The following DGCR2 variants were observed in gnomAD, a reference collection of about 807,000 sequenced individuals.
DGCR2 encodes DiGeorge syndrome critical region gene 2, also known as integral membrane protein DGCR2/IDD.
A neutral mutation model predicts 51.6 loss-of-function variants in DGCR2; 24 were observed. The ratio of observed to expected loss-of-function variants is 0.47; its 90% confidence interval spans 0.34 to 0.65. The LOEUF (loss-of-function observed/expected upper bound fraction) is 0.65, where lower values mean the gene tolerates loss of function less well. Among genes scored for constraint, DGCR2 ranks in the 30% least tolerant of loss-of-function variants. The pLI is 0.01. For missense variants in DGCR2, 765 were observed against 772.1 expected (o/e 0.99, Z 0.11); for synonymous variants, 340 against 315.4 (o/e 1.08, Z -0.82).
intron 1 of DGCR2, among the ~76,000 whole-genome samples, chr22:19,114,908 G>A (rs2083357540): frequency 6.6e-6 from 1 of 152,210 alleles, no homozygotes; most frequent in African/African-American, 2.4e-5. Flanking sequence ...GCCAACAGCT[G>A]AAGGATGACA....
At chr22:19,091,956 G>C (rs1296285057) in intron 1 of DGCR2, among the ~76,000 whole-genome samples, 1 of 151,914 alleles carries the variant, frequency 6.6e-6, no homozygotes, top group African/African-American at 2.4e-5. Flanking sequence ...ATTGAAAACA[G>C]AAAAATAGAG....
rs114797005 is a variant in DGCR2, at chr22:19,069,749, C to G, written c.203-1524G>C. On this transcript the variant is annotated intron_variant, in intron 2 of 9. Coordinates refer to ENST00000263196, the MANE Select transcript of DGCR2 (RefSeq NM_005137.3). ...TTATTCTAGAAAAGGCTGCCTTAAA[C>G]ACCTTGTACACAAGTGCGTATGTAG... is the stretch of plus-strand genomic sequence containing the variant. Among the ~76,000 whole-genome samples, 1,380 of 152,272 alleles carry G rather than the reference C, an allele frequency of 9.1e-3. 27 individuals carry two copies. The highest frequency in any genetic ancestry group is 0.031 in the African/African-American group (1,296 of 41,550).
chr22:19,086,371 C>A (rs1172039514), intron 2 of DGCR2, among the ~76,000 whole-genome samples: 1 of 152,012 alleles, frequency 6.6e-6, no homozygotes, highest in Admixed American at 6.6e-5. Context: ...CCCAGCTACT[C>A]AGGAGGCTGA....
chr22:19,085,301 C>CT (rs2146005506), intron 2 of DGCR2, among the ~76,000 whole-genome samples: 1 of 152,332 alleles, frequency 6.6e-6, no homozygotes, highest in East Asian at 1.9e-4. Context: ...GAAGCTACTA[C>CT]TGCCATCTAT....
chr22:19,055,248 C>G (rs1396369846), intron 6 of DGCR2, among the ~76,000 whole-genome samples: 1 of 151,870 alleles, frequency 6.6e-6, no homozygotes, highest in African/African-American at 2.4e-5. Flanking sequence ...AATGACTGAA[C>G]AGACTGAAGA....
intron 1 of DGCR2, among the ~76,000 whole-genome samples, chr22:19,093,214 G>A (rs2083099263): frequency 6.6e-6 from 1 of 152,006 alleles, no homozygotes; most frequent in Non-Finnish European, 1.5e-5. Flanking sequence ...TACAAAATTA[G>A]CCAGGCATGG....
At position 19,118,524 on chromosome 22, in the gene DGCR2, T is replaced by G. The variant is rs1022189052; in HGVS notation, c.79+3604A>C. 1.3e-5 allele frequency among the ~76,000 whole-genome samples: 2 copies of G among 152,170 alleles called. 1 individual carries two copies. The highest frequency in any genetic ancestry group is 4.1e-4 in the South Asian group (2 of 4,828). On this transcript the variant is annotated intron_variant, in intron 1 of 9. Coordinates refer to ENST00000263196, the MANE Select transcript of DGCR2 (RefSeq NM_005137.3). ...CCCTGAGCTAGCAGCCAGCTCCACC[T>G]GGGTCTGAACCCACGCTCTGCTGCT...
At chr22:19,082,051 T>G (rs1167699847) in intron 2 of DGCR2, among the ~76,000 whole-genome samples, 2 of 142,910 alleles carry the variant, frequency 1.4e-5, no homozygotes, top group Admixed American at 1.4e-4. Flanking sequence ...TGGTGTTTTT[T>G]GGGGTTTTTT....
chr22:19,062,781 T>TCG (rs1481991317), intron 5 of DGCR2, among the ~76,000 whole-genome samples: 44 of 135,804 alleles, frequency 3.2e-4, no homozygotes, highest in Non-Finnish European at 3.4e-4. Context: ...GCATGCTCAC[T>TCG]CTCTCTCTCT....
intron 1 of DGCR2, among the ~76,000 whole-genome samples, chr22:19,109,437 C>T (rs935508572): frequency 1.3e-5 from 2 of 152,184 alleles, no homozygotes; most frequent in Non-Finnish European, 2.9e-5. Context: ...TATATGCATA[C>T]AGTGGAATAC....
At chr22:19,062,774 T>TTTTCTCTCTC (rs1569052709) in intron 5 of DGCR2, among the ~76,000 whole-genome samples, 1 of 113,872 alleles carries the variant, frequency 8.8e-6, no homozygotes, top group Non-Finnish European at 1.9e-5. Context: ...CACACATGCA[T>TTTTCTCTCTC]GCTCACTCTC....
intron 2 of DGCR2, among the ~76,000 whole-genome samples, chr22:19,076,868 C>T (rs907930297): frequency 6.6e-6 from 1 of 151,046 alleles, no homozygotes; most frequent in East Asian, 2.0e-4. Context: ...GTAGCTGGAA[C>T]TAAGGCGCCC....
rs570677419 is a variant in DGCR2, at chr22:19,105,579, G to A, written c.80-16089C>T. Reference sequence around the variant, plus strand: ...TGGGGAAGGGAGCGATGCACGCTCTGGAAGGCACACTGTACTCCGGGGCCC... The same window carrying A: ...TGGGGAAGGGAGCGATGCACGCTCTAGAAGGCACACTGTACTCCGGGGCCC... On this transcript the variant is annotated intron_variant, in intron 1 of 9. Coordinates refer to ENST00000263196, the MANE Select transcript of DGCR2 (RefSeq NM_005137.3). Among the ~76,000 whole-genome samples the A allele has an allele frequency of 6.6e-5, 10 of 152,308 alleles. No homozygotes were observed. The South Asian group carries it at 1.2e-3, about 19-fold the overall frequency.
At chr22:19,092,212 C>T (rs1307120575) in intron 1 of DGCR2, among the ~76,000 whole-genome samples, 1 of 151,686 alleles carries the variant, frequency 6.6e-6, no homozygotes, top group East Asian at 1.9e-4. Flanking sequence ...GGTGTGGTGG[C>T]ACATGCCTGT....
intron 1 of DGCR2, among the ~76,000 whole-genome samples, chr22:19,111,352 G>C (rs2083312429): frequency 6.6e-6 from 1 of 152,218 alleles, no homozygotes; most frequent in South Asian, 2.1e-4. Context: ...TCTTAGGCAG[G>C]AGGCCCCAGG....
intron 3 of DGCR2, among the ~76,000 whole-genome samples, chr22:19,067,692 C>CTAAA (rs60372595): frequency 0.028 from 4,268 of 150,000 alleles, 101 homozygotes; most frequent in East Asian, 0.085. Context: ...GACTCCGTCT[C>CTAAA]TAAATAAATA....
intron 7 of DGCR2, among the ~76,000 whole-genome samples, chr22:19,042,363 T>G (rs1248936957): frequency 6.6e-6 from 1 of 152,242 alleles, no homozygotes; most frequent in Non-Finnish European, 1.5e-5. Flanking sequence ...GGGCCAGGGC[T>G]GCACACAGGC....
At chr22:19,073,289 A>G (rs1601235425) in intron 2 of DGCR2, among the ~76,000 whole-genome samples, 2 of 152,150 alleles carry the variant, frequency 1.3e-5, no homozygotes, top group Non-Finnish European at 2.9e-5. Context: ...AATACATGAC[A>G]GCAAACATGA....
intron 1 of DGCR2, among the ~76,000 whole-genome samples, chr22:19,118,827 A>C (rs2083400905): frequency 6.6e-6 from 1 of 152,226 alleles, no homozygotes. Flanking sequence ...ACAGTTTTAG[A>C]ATCAGCAGTC....
Sources: allele counts gnomAD v4.1 joint callset (sites outside exome capture counted in the v4.1 genomes callset), GRCh38; gene constraint gnomAD v4.1.1; transcripts MANE v1.5; gene names NCBI Gene and HGNC (gene_info 2026-07-23, HGNC 2026-07-21).